TBCD: variants seen among roughly 807,000 people sequenced by gnomAD.
TBCD encodes the protein tubulin-specific chaperone D.
In TBCD, 105 loss-of-function variants were observed where a neutral mutation model predicts 169.3. The ratio of observed to expected loss-of-function variants is 0.62; its 90% confidence interval spans 0.53 to 0.73. TBCD has a LOEUF of 0.73. TBCD is among the 30% of genes least tolerant of loss of function. TBCD has a pLI of 0.00. For missense variants in TBCD, 1,444 were observed against 1,600.1 expected (o/e 0.90, Z 1.66); for synonymous variants, 700 against 643.9 (o/e 1.09, Z -1.32).
chr17:82,762,140 C>G (rs1244038699), intron 2 of TBCD, among the ~76,000 whole-genome samples: 1 of 150,916 alleles, frequency 6.6e-6, no homozygotes, highest in Admixed American at 6.6e-5. Context: ...CACGGTGAAA[C>G]CCCATCTCTA....
intron 17 of TBCD, among the ~76,000 whole-genome samples, chr17:82,895,574 G>A (rs2059417964): frequency 6.6e-6 from 1 of 152,182 alleles, no homozygotes; most frequent in South Asian, 2.1e-4. Context: ...TGGAAATAAG[G>A]AGAGGGCTTG....
chr17:82,840,955 T>TTTTTTTTTG (rs1364343209), intron 13 of TBCD, among the ~76,000 whole-genome samples: 475 of 21,858 alleles, frequency 0.022, 46 homozygotes, highest in African/African-American at 0.079. Context: ...GACAAACTGG[T>TTTTTTTTTG]TTTTTTTTTT....
intron 14 of TBCD, among the ~76,000 whole-genome samples, chr17:82,878,903 GT>G (rs1453701368): frequency 6.6e-6 from 1 of 152,034 alleles, no homozygotes; most frequent in African/African-American, 2.4e-5. Context: ...GGACTCATGG[GT>G]GCTCATCCTG....
intron 37 of TBCD, among the ~76,000 whole-genome samples, chr17:82,940,389 C>G (rs957679918): frequency 2.0e-4 from 30 of 152,086 alleles, no homozygotes; most frequent in African/African-American, 7.0e-4. Context: ...TTTTGAGTGC[C>G]GACTGTGAGG....
rs1227257523 is a variant in TBCD, at chr17:82,789,484, G to T, written c.771+7763G>T. The stretch of plus-strand genomic sequence containing the variant: ...CAGTTCTTAGATGAGGAAGAGACAG[G>T]CAGAGAGCTGGGCTGGGCTGCTGCT... On this transcript the variant is annotated intron_variant, in intron 7 of 38. Transcript: ENST00000355528. The surrounding 1 kb of genome is among the most constrained non-coding windows in gnomAD (Gnocchi z 4.8). 6.6e-6 allele frequency among the ~76,000 whole-genome samples: 1 copy of T among 152,214 alleles called. No individual in the cohort carries two copies. Among genetic ancestry groups the T allele is most frequent in the Non-Finnish European group, 1.5e-5 (1 of 68,044 alleles).
intron 13 of TBCD, among the ~76,000 whole-genome samples, chr17:82,847,375 A>G (rs904771974): frequency 2.0e-5 from 3 of 151,564 alleles, no homozygotes; most frequent in African/African-American, 4.8e-5. Flanking sequence ...AAAAAAAAAA[A>G]AAAAGAAACA....
Position 82,937,276 on chromosome 17 carries a change from C to T in TBCD, c.3197C>T (p.Pro1066Leu). Residue 1066 changes from proline to leucine, a missense_variant, in exon 35 of 39, where the codon CCC becomes CTC. Coordinates refer to ENST00000355528, the MANE Select transcript of TBCD (RefSeq NM_005993.5). ...AGTGTGTGTTGTTCTTCCAGCCACC[C>T]CTTTGCTGTGAAGTTGCTTGCGCTC... ...FDIFTTEEDH[P>L]FAVKLLALCK... 6.2e-7 allele frequency: 1 copy of T among 1,613,996 alleles called. No homozygotes were observed. The highest frequency in any genetic ancestry group is 8.5e-7 in the Non-Finnish European group (1 of 1,179,850).
chr17:82,865,554 A>G (rs1210633058), intron 13 of TBCD: 1 of 985,270 alleles, frequency 1.0e-6, no homozygotes, highest in African/African-American at 1.7e-5. Context: ...ACTCGGCTGC[A>G]CTGTGCACAG....
chr17:82,798,471 G>A (rs2050269498), intron 8 of TBCD, among the ~76,000 whole-genome samples: 1 of 152,148 alleles, frequency 6.6e-6, no homozygotes, highest in Non-Finnish European at 1.5e-5. Flanking sequence ...TAATAGAGAT[G>A]GGGTTTCACC....
At chr17:82,860,724 G>A (rs1346011682) in intron 13 of TBCD, among the ~76,000 whole-genome samples, 1 of 152,190 alleles carries the variant, frequency 6.6e-6, no homozygotes, top group African/African-American at 2.4e-5. Flanking sequence ...CTCCCTGGAC[G>A]GGGTTCGGTT....
intron 7 of TBCD, among the ~76,000 whole-genome samples, chr17:82,792,744 A>G (rs1344724328): frequency 6.6e-6 from 1 of 152,212 alleles, no homozygotes; most frequent in African/African-American, 2.4e-5. Context: ...TTCGTTCTGG[A>G]AAGATAAAAG....
At chr17:82,843,302 T>G (rs1156556499) in intron 13 of TBCD, among the ~76,000 whole-genome samples, 1 of 117,474 alleles carries the variant, frequency 8.5e-6, no homozygotes, top group Non-Finnish European at 1.8e-5. Context: ...TCCAGCTTAC[T>G]TACCCTTCCC....
chr17:82,757,392 G>A (rs574642132), intron 2 of TBCD, among the ~76,000 whole-genome samples: 8 of 152,012 alleles, frequency 5.3e-5, no homozygotes, highest in African/African-American at 1.2e-4. Context: ...AGGTGGAGGC[G>A]GGTGGATCAC....
intron 8 of TBCD, among the ~76,000 whole-genome samples, chr17:82,798,241 G>T (rs553363580): frequency 6.6e-6 from 1 of 151,732 alleles, no homozygotes; most frequent in African/African-American, 2.4e-5. Flanking sequence ...CCGCCTCCTG[G>T]ATTCACGCCA....
chr17:82,828,840 T>A (rs1305505398), intron 13 of TBCD, among the ~76,000 whole-genome samples: 1 of 145,328 alleles, frequency 6.9e-6, no homozygotes, highest in Non-Finnish European at 1.5e-5. Flanking sequence ...CCTAATCAGA[T>A]GTGTACACCC....
intron 23 of TBCD, chr17:82,918,698 C>T (rs984613409): frequency 6.6e-6 from 1 of 151,894 alleles, no homozygotes; most frequent in Non-Finnish European, 1.5e-5. Context: ...CTGAGCCCCG[C>T]GTGCCGTTTC....
chr17:82,797,202 T>C (rs1195307365), intron 7 of TBCD, among the ~76,000 whole-genome samples: 1 of 152,184 alleles, frequency 6.6e-6, no homozygotes, highest in Non-Finnish European at 1.5e-5. Context: ...CTGATATTCC[T>C]GTTTGGTCTG....
rs2049832417 is a variant in TBCD at position 82,792,693 on chromosome 17, A to T, written c.772-5064A>T. Among the ~76,000 whole-genome samples the T allele has an allele frequency of 3.3e-5, 5 of 152,322 alleles. No homozygotes were observed. In the South Asian group the frequency reaches 1.0e-3, roughly 32 times the overall value. ...ATGGCCCCCACCTGTGAAGGTAATT[A>T]GTGTTTACCTTACAGTCCAAAGTTT... is the stretch of plus-strand genomic sequence containing the variant. On this transcript the variant is annotated intron_variant, in intron 7 of 38. Transcript: ENST00000355528.
intron 14 of TBCD, among the ~76,000 whole-genome samples, chr17:82,873,487 G>A (rs1321234100): frequency 3.3e-5 from 5 of 152,182 alleles, no homozygotes; most frequent in Admixed American, 2.0e-4. Context: ...ATCAGGTGCC[G>A]ACTTTGGAGA....
Sources: gnomAD v4.1 joint callset for allele counts (sites outside exome capture counted in the v4.1 genomes callset) on GRCh38, gnomAD v4.1.1 for gene constraint, Gnocchi (gnomAD v3.1) non-coding constraint, MANE v1.5 for transcripts, NCBI Gene and HGNC (gene_info 2026-07-23, HGNC 2026-07-21) for gene names.